The following TET1 variants were observed in gnomAD, a reference collection of about 807,000 sequenced individuals.
The protein encoded by TET1 is methylcytosine dioxygenase TET1.
Under a neutral mutation model 148.7 loss-of-function variants are expected in TET1, and 13 were observed. The observed-to-expected ratio is 0.09, with a 90% CI of 0.06 to 0.14. The LOEUF (loss-of-function observed/expected upper bound fraction) is 0.14. Ranked by LOEUF, TET1 falls within the 10% of genes least tolerant of loss-of-function variation. TET1 has a pLI of 1.00. For synonymous variants in TET1, 907 were observed against 937.2 expected, an observed-to-expected ratio of 0.97 and a Z score of 0.59; for missense variants, 2,182 against 2,553.8, an observed-to-expected ratio of 0.85 and a Z score of 3.14.
At chr10:68,607,952 CAG>C (rs1377760732) in intron 3 of TET1, among the ~76,000 whole-genome samples, 1 of 148,642 alleles carries the variant, frequency 6.7e-6, no homozygotes, top group Non-Finnish European at 1.5e-5. Flanking sequence ...TTTTTTTGGA[CAG>C]AGTCTTGCTC....
intron 3 of TET1, among the ~76,000 whole-genome samples, chr10:68,627,976 C>T (rs1239858662): frequency 6.6e-6 from 1 of 151,706 alleles, no homozygotes; most frequent in Non-Finnish European, 1.5e-5. Context: ...GCCCGGCCCC[C>T]AAATATTTAT....
intron 8 of TET1, chr10:68,675,000 G>T: frequency 2.5e-6 from 1 of 401,540 alleles, no homozygotes; most frequent in Non-Finnish European, 4.6e-6. Context: ...GAAACTCATG[G>T]AGCTTTATGG....
chr10:68,574,475 G>C (rs2053705980), intron 2 of TET1, among the ~76,000 whole-genome samples: 1 of 152,128 alleles, frequency 6.6e-6, no homozygotes, highest in African/African-American at 2.4e-5. Flanking sequence ...CTTATTTTTA[G>C]AATTTGTCCC....
intron 3 of TET1, among the ~76,000 whole-genome samples, chr10:68,608,917 C>G (rs2054166210): frequency 6.6e-6 from 1 of 152,080 alleles, no homozygotes; most frequent in Admixed American, 6.6e-5. Context: ...TCTCAACCTC[C>G]TGGATTCAAG....
chr10:68,586,485 G>GTTTTTT lies in TET1; in HGVS notation c.1914+12244_1914+12249dup, dbSNP rs11437924. On this transcript the variant is annotated intron_variant, in intron 2 of 11. Transcript: ENST00000373644. ...GTGCCATTGCACCCAGCCAGCTAAC[G>GTTTTTT]TTTTTTTTTTTTTTTTAATTTTTAT... Among the ~76,000 whole-genome samples, 339 of 133,348 alleles carry GTTTTTT rather than the reference G, an allele frequency of 2.5e-3. 2 individuals are homozygous for GTTTTTT. Among genetic ancestry groups the GTTTTTT allele is most frequent in the East Asian group, 5.2e-3 (24 of 4,572 alleles). The allele number at this position is 133,348 out of a possible 152,430, so 87.5% of individuals were successfully genotyped here. A position where few individuals can be genotyped will look rare whatever the true frequency, so the allele number is the denominator to read the frequency against.
At chr10:68,606,153 G>C (rs1055552006) in intron 3 of TET1, among the ~76,000 whole-genome samples, 2 of 152,140 alleles carry the variant, frequency 1.3e-5, no homozygotes, top group African/African-American at 2.4e-5. Context: ...GATCACTTGA[G>C]GTCAGGGGTT....
chr10:68,668,766 A>G (rs916855458), intron 7 of TET1, among the ~76,000 whole-genome samples: 3 of 152,198 alleles, frequency 2.0e-5, no homozygotes, highest in African/African-American at 7.2e-5. Context: ...ACTTAAGGCC[A>G]AGAGTTCAAA....
Position 68,645,891 on chromosome 10 carries a change from C to G in TET1, c.3162C>G (p.Ser1054Arg), listed in dbSNP as rs779460953. ...EVEYCNQLLD[S>R]SKKLDSDDLS... ...AGTATTGCAACCAGTTACTGGACAGCAGCAAAAAATTGGACTCAGATGATC... is the reference window on the plus strand; with the variant it reads ...AGTATTGCAACCAGTTACTGGACAGGAGCAAAAAATTGGACTCAGATGATC... The change falls in exon 4 of 12, where the codon AGC becomes AGG. Residue 1054 changes from serine (S) to arginine (R), a missense_variant. Physicochemically the swap from Ser to Arg is moderately radical, Grantham distance 110 (BLOSUM62 -1). Coordinates refer to ENST00000373644, the MANE Select transcript of TET1 (RefSeq NM_030625.3). The G allele has an allele frequency of 3.7e-6, 6 of 1,613,716 alleles. No individual in the cohort carries two copies. Among genetic ancestry groups the G allele is most frequent in the Non-Finnish European group, 4.2e-6 (5 of 1,179,978 alleles).
chr10:68,614,441 A>G lies in TET1; in HGVS notation c.1968+13407A>G, dbSNP rs1197964123. On this transcript the variant is annotated intron_variant, in intron 3 of 11. Transcript: ENST00000373644. ...TATTTTTCTGTCCTGACTTTTCAAAAAACTCAGTCAAATTCACTGCCCAAG... is the reference window on the plus strand; with the variant it reads ...TATTTTTCTGTCCTGACTTTTCAAAGAACTCAGTCAAATTCACTGCCCAAG... 2.0e-5 allele frequency among the ~76,000 whole-genome samples: 3 copies of G among 152,236 alleles called. No homozygotes were observed. In the East Asian group the frequency reaches 5.8e-4, roughly 29 times the overall value.
chr10:68,586,002 CAAAAA>C, intron 2 of TET1, among the ~76,000 whole-genome samples: 1 of 132,220 alleles, frequency 7.6e-6, no homozygotes, highest in Non-Finnish European at 1.6e-5. Context: ...GACTCCATCT[CAAAAA>C]AAAAAAAAAA....
rs1313089402 is a variant in TET1 at position 68,591,072 on chromosome 10, C to T, written c.1915-9909C>T. ...GTTTCTTCATGTTGGTCAGGCTGGT[C>T]TCGAACTCCCGACCTCAGGTGATCC... On this transcript the variant is annotated intron_variant, in intron 2 of 11. Coordinates refer to ENST00000373644, the MANE Select transcript of TET1 (RefSeq NM_030625.3). 1.9e-4 allele frequency among the ~76,000 whole-genome samples: 29 copies of T among 152,124 alleles called. 1 individual carries two copies. The highest frequency in any genetic ancestry group is 1.9e-3 in the Admixed American group (29 of 15,254).
intron 2 of TET1, among the ~76,000 whole-genome samples, chr10:68,592,445 A>G (rs868005356): frequency 6.6e-6 from 1 of 152,210 alleles, no homozygotes. Context: ...CAGGAGCGTT[A>G]TTCTTGGCTT....
intron 2 of TET1, among the ~76,000 whole-genome samples, chr10:68,580,612 C>G (rs1817369458): frequency 6.6e-6 from 1 of 150,846 alleles, no homozygotes; most frequent in African/African-American, 2.4e-5. Flanking sequence ...AAACCCATCT[C>G]TACCAAAAAT....
chr10:68,677,067 T>C (rs2055371930), intron 8 of TET1, among the ~76,000 whole-genome samples: 1 of 152,214 alleles, frequency 6.6e-6, no homozygotes, highest in African/African-American at 2.4e-5. Flanking sequence ...AACAGTTTTT[T>C]TGGGATGCTT....
chr10:68,566,808 A>ATT (rs2053612361), intron 1 of TET1, among the ~76,000 whole-genome samples: 1 of 130,054 alleles, frequency 7.7e-6, no homozygotes, highest in South Asian at 2.5e-4. Flanking sequence ...ACTACCACTT[A>ATT]TTTTCTCTCT....
intron 1 of TET1, among the ~76,000 whole-genome samples, chr10:68,565,187 C>A (rs2053592703): frequency 6.6e-6 from 1 of 151,970 alleles, no homozygotes; most frequent in Non-Finnish European, 1.5e-5. Context: ...TTTGAAAATA[C>A]ACATTTTTTC....
chr10:68,617,006 CTTTTTTTTTTTTTTTTTTTTTTTTTTTT>C (rs71019039), intron 3 of TET1, among the ~76,000 whole-genome samples: 1 of 39,582 alleles, frequency 2.5e-5, no homozygotes, highest in Non-Finnish European at 4.5e-5. Context: ...CGCGCCTGGC[CTTTTTTTTTTTTTTTTTTTTTTTTTTTT>C]TTTTTTTTTT....
intron 3 of TET1, among the ~76,000 whole-genome samples, chr10:68,634,394 G>C (rs1030432670): frequency 6.6e-6 from 1 of 152,170 alleles, no homozygotes; most frequent in Non-Finnish European, 1.5e-5. Context: ...TTGATAATCT[G>C]TACAATCTAA....
intron 1 of TET1, among the ~76,000 whole-genome samples, chr10:68,571,055 A>G (rs376429458): frequency 4.0e-5 from 6 of 151,382 alleles, no homozygotes; most frequent in East Asian, 1.9e-4. Flanking sequence ...CAATGGTGCA[A>G]TCTCGGCTCA....
Sources: gnomAD v4.1 joint callset for allele counts (sites outside exome capture counted in the v4.1 genomes callset) on GRCh38, gnomAD v4.1.1 for gene constraint, MANE v1.5 for transcripts, NCBI Gene and HGNC (gene_info 2026-07-23, HGNC 2026-07-21) for gene names.